The following L3MBTL4 variants were observed in gnomAD, a reference collection of about 807,000 sequenced individuals.
L3MBTL4 encodes lethal(3)malignant brain tumor-like protein 4.
A neutral mutation model predicts 84.5 loss-of-function variants in L3MBTL4; 70 were observed. That is an observed-to-expected ratio of 0.83 (90% CI 0.68 to 1.01). The LOEUF is 1.01. L3MBTL4 is among the 50% of genes least tolerant of loss of function. The pLI is 0.00. For missense variants in L3MBTL4, 715 were observed against 754.8 expected, an observed-to-expected ratio of 0.95 and a Z score of 0.62; for synonymous variants, 274 against 259.8, an observed-to-expected ratio of 1.05 and a Z score of -0.52.
intron 5 of L3MBTL4, among the ~76,000 whole-genome samples, chr18:6,246,189 G>A (rs868718905): frequency 6.6e-6 from 1 of 152,066 alleles, no homozygotes; most frequent in Non-Finnish European, 1.5e-5. Context: ...TATTTAGAAA[G>A]CAATCATTTC....
At chr18:6,324,060 C>T (rs979601694) in intron 1 of L3MBTL4, among the ~76,000 whole-genome samples, 1 of 152,028 alleles carries the variant, frequency 6.6e-6, no homozygotes, top group East Asian at 1.9e-4. Flanking sequence ...CTCAAAGGGG[C>T]TCATATACAG....
intron 3 of L3MBTL4, among the ~76,000 whole-genome samples, chr18:6,305,771 T>C (rs141961740): frequency 3.3e-5 from 5 of 152,340 alleles, no homozygotes; most frequent in Non-Finnish European, 5.9e-5. Context: ...AGGCTTAATG[T>C]TCTGTTCCCT....
intron 1 of L3MBTL4, among the ~76,000 whole-genome samples, chr18:6,408,435 T>C (rs2055825577): frequency 1.3e-5 from 2 of 152,230 alleles, no homozygotes; most frequent in South Asian, 2.1e-4. Flanking sequence ...ATTCTGTTTC[T>C]CTTAGCAGTA....
chr18:6,046,433 C>A (rs916870236), intron 16 of L3MBTL4, among the ~76,000 whole-genome samples: 1 of 152,156 alleles, frequency 6.6e-6, no homozygotes, highest in Non-Finnish European at 1.5e-5. Flanking sequence ...GAATACTCCA[C>A]CAATCAAAAC....
chr18:6,171,523 C>A (rs1234999569), intron 13 of L3MBTL4, among the ~76,000 whole-genome samples: 3 of 152,096 alleles, frequency 2.0e-5, no homozygotes, highest in African/African-American at 7.2e-5. Context: ...CTTGTTAAAA[C>A]CAATGACCAA....
At chr18:6,019,001 A>G (rs1162102154) in intron 16 of L3MBTL4, among the ~76,000 whole-genome samples, 1 of 152,242 alleles carries the variant, frequency 6.6e-6, no homozygotes, top group African/African-American at 2.4e-5. Flanking sequence ...TTAATCATCA[A>G]CATCAAAAAG....
At chr18:6,076,685 T>C (rs2057865960) in intron 16 of L3MBTL4, among the ~76,000 whole-genome samples, 1 of 151,104 alleles carries the variant, frequency 6.6e-6, no homozygotes, top group African/African-American at 2.4e-5. Flanking sequence ...TAAAAAAAAA[T>C]GTGAATTATT....
At chr18:6,147,468 C>T (rs1250596776) in intron 13 of L3MBTL4, among the ~76,000 whole-genome samples, 1 of 151,916 alleles carries the variant, frequency 6.6e-6, no homozygotes, top group Non-Finnish European at 1.5e-5. Flanking sequence ...AATAGAACAA[C>T]AATTTTGTGA....
chr18:6,273,920 C>T (rs2048976121), intron 4 of L3MBTL4, among the ~76,000 whole-genome samples: 1 of 152,206 alleles, frequency 6.6e-6, no homozygotes, highest in Non-Finnish European at 1.5e-5. Flanking sequence ...GTGGTCATCC[C>T]TGCAAACTTG....
intron 4 of L3MBTL4, among the ~76,000 whole-genome samples, chr18:6,288,441 A>G (rs1405975645): frequency 6.6e-6 from 1 of 152,242 alleles, no homozygotes; most frequent in Non-Finnish European, 1.5e-5. Flanking sequence ...TTGGTAAATT[A>G]GAAATATCTT....
chr18:6,301,816 A>G (rs1599549674), intron 4 of L3MBTL4, 87 bp downstream of exon 4: 2 of 954,986 alleles, frequency 2.1e-6, no homozygotes, highest in East Asian at 4.8e-5. Context: ...TTTAATTAAT[A>G]AACCTAAAAC....
intron 12 of L3MBTL4, among the ~76,000 whole-genome samples, chr18:6,186,283 C>G (rs985935280): frequency 6.6e-6 from 1 of 152,054 alleles, no homozygotes; most frequent in Admixed American, 6.5e-5. Context: ...CTCAGGTGAT[C>G]TGCCCACCTT....
chr18:6,368,808 G>A (rs141368117), intron 1 of L3MBTL4, among the ~76,000 whole-genome samples: 4 of 152,250 alleles, frequency 2.6e-5, no homozygotes, highest in African/African-American at 4.8e-5. Flanking sequence ...TTGGGAGGCC[G>A]AGGCGGGCAG....
At chr18:6,172,379 A>T (rs2044018612) in intron 12 of L3MBTL4, among the ~76,000 whole-genome samples, 1 of 152,198 alleles carries the variant, frequency 6.6e-6, no homozygotes, top group Non-Finnish European at 1.5e-5. Flanking sequence ...CACAGATTAG[A>T]GTATAAAGAA....
At chr18:5,960,013 TATATATATATAC>T in intron 18 of L3MBTL4, 69 bp downstream of exon 18, 1 of 245,266 alleles carries the variant, frequency 4.1e-6, no homozygotes, top group Non-Finnish European at 6.9e-6. Flanking sequence ...AATACATACA[TATATATATATAC>T]ATATATATAT....
At chr18:6,097,922 G>A (rs1274481495) in intron 14 of L3MBTL4, among the ~76,000 whole-genome samples, 2 of 152,064 alleles carry the variant, frequency 1.3e-5, no homozygotes, top group African/African-American at 4.8e-5. Context: ...ATGCCACCTG[G>A]CCAGTCTTCT....
intron 15 of L3MBTL4, among the ~76,000 whole-genome samples, chr18:6,090,279 A>C (rs2058398533): frequency 6.6e-6 from 1 of 152,100 alleles, no homozygotes; most frequent in African/African-American, 2.4e-5. Context: ...TACATATATA[A>C]ATCTCTCAAA....
intron 1 of L3MBTL4, among the ~76,000 whole-genome samples, chr18:6,392,151 G>C (rs1449892205): frequency 6.6e-6 from 1 of 152,110 alleles, no homozygotes; most frequent in African/African-American, 2.4e-5. Context: ...TATAAAAGTA[G>C]GCACACAAAC....
chr18:6,011,326 G>A (rs1402428103), intron 16 of L3MBTL4, among the ~76,000 whole-genome samples: 1 of 152,076 alleles, frequency 6.6e-6, no homozygotes, highest in Admixed American at 6.5e-5. Flanking sequence ...TAAAAAAAAA[G>A]GATCAAGAGA....
Sources: gnomAD v4.1 joint callset for allele counts (sites outside exome capture counted in the v4.1 genomes callset) on GRCh38, gnomAD v4.1.1 for gene constraint, MANE v1.5 for transcripts, NCBI Gene and HGNC (gene_info 2026-07-23, HGNC 2026-07-21) for gene names.